Variants in AFG2A observed in about 807,000 individuals in gnomAD.
AFG2A encodes the protein AAA ATPase AFG2A.
At chr4:123,256,932 A>G in the AFG2A span, 1 of 749,442 alleles carries the variant, frequency 1.3e-6, no homozygotes, top group Non-Finnish European at 1.6e-6. Flanking sequence ...GTACCTCGAC[A>G]CAGAAATAGC....
At chr4:123,125,388 G>T in the AFG2A span, among the ~76,000 whole-genome samples, 2 of 152,100 alleles carry the variant, frequency 1.3e-5, no homozygotes, top group Non-Finnish European at 2.9e-5. Context: ...GACATAACTT[G>T]GCTCTATTAT....
the AFG2A span, among the ~76,000 whole-genome samples, chr4:123,081,700 GT>G: frequency 9.2e-4 from 140 of 152,208 alleles, 2 homozygotes; most frequent in Non-Finnish European, 1.3e-3. Flanking sequence ...TTTTCTGAGA[GT>G]TTATTTTTGG....
the AFG2A span, among the ~76,000 whole-genome samples, chr4:123,112,086 T>G: frequency 2.0e-5 from 3 of 152,138 alleles, no homozygotes; most frequent in African/African-American, 7.2e-5. Flanking sequence ...TAAATTATTA[T>G]CTATTGAGTG....
At chr4:123,179,264 AGT>A in the AFG2A span, among the ~76,000 whole-genome samples, 1 of 152,122 alleles carries the variant, frequency 6.6e-6, no homozygotes, top group Non-Finnish European at 1.5e-5. Context: ...TGGATAACTG[AGT>A]GTGGTTTTCT....
chr4:123,096,064 G>A, the AFG2A span, among the ~76,000 whole-genome samples: 1 of 152,068 alleles, frequency 6.6e-6, no homozygotes, highest in Non-Finnish European at 1.5e-5. Context: ...CTCAAGAACT[G>A]CGTTATTTTA....
At chr4:123,008,734 G>A in the AFG2A span, among the ~76,000 whole-genome samples, 1 of 152,120 alleles carries the variant, frequency 6.6e-6, no homozygotes, top group African/African-American at 2.4e-5. Flanking sequence ...GGTAAAATGG[G>A]GCATGATGCT....
the AFG2A span, among the ~76,000 whole-genome samples, chr4:123,111,979 T>A: frequency 6.6e-6 from 1 of 152,182 alleles, no homozygotes; most frequent in Non-Finnish European, 1.5e-5. Context: ...TGCCTCAGCC[T>A]CCCAAAGTGC....
At chr4:123,264,644 C>T in the AFG2A span, among the ~76,000 whole-genome samples, 1 of 152,096 alleles carries the variant, frequency 6.6e-6, no homozygotes, top group East Asian at 1.9e-4. Flanking sequence ...AACTTTTGAG[C>T]TAGTCCTGTA....
the AFG2A span, among the ~76,000 whole-genome samples, chr4:123,268,422 C>T: frequency 6.6e-6 from 1 of 152,090 alleles, no homozygotes; most frequent in Non-Finnish European, 1.5e-5. Context: ...TAATAGAGGT[C>T]TCAGAAGGAA....
At chr4:123,126,267 C>T in the AFG2A span, among the ~76,000 whole-genome samples, 2 of 152,086 alleles carry the variant, frequency 1.3e-5, no homozygotes, top group Non-Finnish European at 2.9e-5. Flanking sequence ...ATTACTTTTC[C>T]TTGACTGCCT....
the AFG2A span, among the ~76,000 whole-genome samples, chr4:122,989,183 A>C: frequency 5.3e-3 from 807 of 151,902 alleles, 4 homozygotes; most frequent in South Asian, 0.015. Flanking sequence ...ATTTTTGTGG[A>C]CTTGTGTTAT....
the AFG2A span, among the ~76,000 whole-genome samples, chr4:122,962,986 G>C: frequency 2.0e-5 from 3 of 152,120 alleles, no homozygotes; most frequent in African/African-American, 7.2e-5. Flanking sequence ...TTGAAGATGA[G>C]GACAGGTCTA....
the AFG2A span, among the ~76,000 whole-genome samples, chr4:122,995,894 C>T: frequency 1.3e-5 from 2 of 152,144 alleles, no homozygotes; most frequent in East Asian, 3.8e-4. Context: ...GACTAGTACC[C>T]ACTAGTAGGG....
the AFG2A span, among the ~76,000 whole-genome samples, chr4:122,932,570 T>TC: frequency 6.6e-6 from 1 of 152,006 alleles, no homozygotes; most frequent in African/African-American, 2.4e-5. Flanking sequence ...GCTGTTTGTC[T>TC]CCCCTCCTGA....
At chr4:123,291,818 C>T in the AFG2A span, among the ~76,000 whole-genome samples, 841 of 152,258 alleles carry the variant, frequency 5.5e-3, 10 homozygotes, top group African/African-American at 0.019. Context: ...TTCACATTGA[C>T]GTTAGATAGC....
chr4:123,050,458 T>TA, the AFG2A span, among the ~76,000 whole-genome samples: 15 of 152,216 alleles, frequency 9.9e-5, no homozygotes, highest in African/African-American at 3.6e-4. Flanking sequence ...GAGCTATTAA[T>TA]ATTTGCTTTA....
At chr4:123,009,690 A>C in the AFG2A span, among the ~76,000 whole-genome samples, 1 of 152,128 alleles carries the variant, frequency 6.6e-6, no homozygotes, top group Non-Finnish European at 1.5e-5. Context: ...GGTCTTTTGT[A>C]GAATGCTTCT....
chr4:123,158,636 A>C, the AFG2A span, among the ~76,000 whole-genome samples: 16 of 152,322 alleles, frequency 1.1e-4, no homozygotes, highest in East Asian at 3.1e-3. Flanking sequence ...GGCAGTATAT[A>C]AACATACTTA....
the AFG2A span, among the ~76,000 whole-genome samples, chr4:123,124,995 C>G: frequency 8.5e-5 from 13 of 152,158 alleles, no homozygotes; most frequent in African/African-American, 3.1e-4. Flanking sequence ...CTTACGAACA[C>G]CTTTACCTTG....
Sources: gnomAD v4.1 joint callset for allele counts (sites outside exome capture counted in the v4.1 genomes callset) on GRCh38, gnomAD v4.1.1 for gene constraint, MANE v1.5 for transcripts, NCBI Gene and HGNC (gene_info 2026-07-23, HGNC 2026-07-21) for gene names.